The following FAM120A variants were observed in gnomAD, a reference collection of about 807,000 sequenced individuals.
The protein encoded by FAM120A is constitutive coactivator of PPAR-gamma-like protein 1.
In FAM120A, 15 loss-of-function variants were observed where a neutral mutation model predicts 109.7. The observed-to-expected ratio is 0.14, with a 90% CI of 0.09 to 0.21. The LOEUF (loss-of-function observed/expected upper bound fraction) is 0.21. Ranked by LOEUF, FAM120A falls within the 10% of genes least tolerant of loss-of-function variation. The pLI, the probability that FAM120A is intolerant of heterozygous loss-of-function variation, is 1.00. For synonymous variants in FAM120A, 493 were observed against 572.8 expected, an observed-to-expected ratio of 0.86 and a Z score of 1.99; for missense variants, 899 against 1,439.3, an observed-to-expected ratio of 0.62 and a Z score of 6.07.
intron 11 of FAM120A, among the ~76,000 whole-genome samples, chr9:93,549,276 C>A (rs939862163): frequency 6.6e-6 from 1 of 152,178 alleles, no homozygotes; most frequent in African/African-American, 2.4e-5. Context: ...TTACATCCTA[C>A]TTTTGCCACA....
At chr9:93,485,089 C>T (rs753865827) in intron 3 of FAM120A, among the ~76,000 whole-genome samples, 6 of 152,158 alleles carry the variant, frequency 3.9e-5, no homozygotes, top group Non-Finnish European at 5.9e-5. Flanking sequence ...TGAATTAGTG[C>T]CATGTCCTAG....
chr9:93,471,381 C>G lies in FAM120A; in HGVS notation c.715C>G (p.Leu239Val). The change falls in exon 2 of 18, where the codon CTC becomes GTC. Residue 239 changes from leucine to valine, a missense_variant. By Grantham distance (32) the Leu-to-Val change is conservative. Transcript: ENST00000277165. ...AAATCGTTTTCCTATTTTTGCTGCT[C>G]TCTTAGGTAGGTGGAGCAGTGTGAA... is the stretch of plus-strand genomic sequence containing the variant. ...NPNRFPIFAA[L>V]LGNHILPDED... The G allele has an allele frequency of 6.2e-7, 1 of 1,614,154 alleles. No homozygotes were observed. Among genetic ancestry groups the G allele is most frequent in the South Asian group, 1.1e-5 (1 of 91,066 alleles).
At chr9:93,562,855 C>T (rs1345731554) in intron 17 of FAM120A, among the ~76,000 whole-genome samples, 1 of 151,896 alleles carries the variant, frequency 6.6e-6, no homozygotes, top group Non-Finnish European at 1.5e-5. Context: ...AGTAGAGTTG[C>T]AGTTTCACCA....
At position 93,566,026 on chromosome 9, in the gene FAM120A, T is replaced by G. The variant is rs1426066489; in HGVS notation, c.*1486T>G. ...TGAACTGCTGTTGGGTTTGATTGAC[T>G]GTCGATGGATTGTGGTGTGGTGTAT... is the stretch of plus-strand genomic sequence containing the variant. On this transcript the variant is annotated 3_prime_UTR_variant, in exon 18 of 18. Transcript: ENST00000277165. 6.6e-6 allele frequency: 1 copy of G among 152,664 alleles called. No individual in the cohort carries two copies. The highest frequency in any genetic ancestry group is 1.5e-5 in the Non-Finnish European group (1 of 68,038). The allele number at this position is 152,664 out of a possible 1,614,324, so 9.5% of individuals were successfully genotyped here. A position where few individuals can be genotyped will look rare whatever the true frequency, so the allele number is the denominator to read the frequency against.
intron 5 of FAM120A, among the ~76,000 whole-genome samples, chr9:93,505,168 C>T (rs930822162): frequency 6.9e-6 from 1 of 143,966 alleles, no homozygotes; most frequent in Non-Finnish European, 1.5e-5. Flanking sequence ...TCACACCATT[C>T]TCCTGCCTCA....
At chr9:93,522,868 A>G (rs548008272) in intron 7 of FAM120A, among the ~76,000 whole-genome samples, 1 of 152,338 alleles carries the variant, frequency 6.6e-6, no homozygotes, top group East Asian at 1.9e-4. Context: ...GGACTGTGAA[A>G]GATGAACCAC....
At chr9:93,503,246 G>A (rs1486346539) in intron 5 of FAM120A, among the ~76,000 whole-genome samples, 2 of 152,132 alleles carry the variant, frequency 1.3e-5, no homozygotes, top group Non-Finnish European at 2.9e-5. Flanking sequence ...TTTGCCCAAA[G>A]GAGTTGAAAA....
At chr9:93,478,075 C>A (rs187705415) in intron 3 of FAM120A, among the ~76,000 whole-genome samples, 16 of 152,318 alleles carry the variant, frequency 1.1e-4, no homozygotes, top group Admixed American at 2.0e-4. Flanking sequence ...CTTGCTCCAC[C>A]ACTTCAGCTT....
intron 1 of FAM120A, among the ~76,000 whole-genome samples, chr9:93,469,314 C>G (rs1858202165): frequency 6.6e-6 from 1 of 152,174 alleles, no homozygotes; most frequent in African/African-American, 2.4e-5. Flanking sequence ...CAGCTTCCTT[C>G]CCAACATGTG....
At chr9:93,473,577 G>A (rs1858408806) in intron 2 of FAM120A, among the ~76,000 whole-genome samples, 1 of 152,194 alleles carries the variant, frequency 6.6e-6, no homozygotes, top group African/African-American at 2.4e-5. Flanking sequence ...CTCCCAAAGT[G>A]CTGGGATTAC....
chr9:93,453,004 G>A, intron 1 of FAM120A: 1 of 1,247,630 alleles, frequency 8.0e-7, no homozygotes, highest in Non-Finnish European at 1.0e-6. Context: ...GGTGTTTAGA[G>A]AATCTTTCTA....
At chr9:93,550,719 T>C (rs766469720) in intron 12 of FAM120A, 28 bp downstream of exon 12, 1 of 1,563,692 alleles carries the variant, frequency 6.4e-7, no homozygotes, top group South Asian at 1.1e-5. Flanking sequence ...TTGCATTGTC[T>C]TGGACAGTCT....
At chr9:93,467,251 C>CA (rs1858077694) in intron 1 of FAM120A, among the ~76,000 whole-genome samples, 1 of 110,916 alleles carries the variant, frequency 9.0e-6, no homozygotes, top group Admixed American at 8.6e-5. Context: ...CTGTCACCCC[C>CA]CCCCCCCTTT....
intron 5 of FAM120A, among the ~76,000 whole-genome samples, chr9:93,501,854 A>G (rs1859816956): frequency 6.6e-6 from 1 of 152,204 alleles, no homozygotes; most frequent in Non-Finnish European, 1.5e-5. Flanking sequence ...GATAACTCTG[A>G]AGAAACATAA....
intron 1 of FAM120A, among the ~76,000 whole-genome samples, chr9:93,468,040 C>T (rs1346811365): frequency 6.6e-6 from 1 of 152,056 alleles, no homozygotes; most frequent in Admixed American, 6.6e-5. Context: ...CGCCACCACG[C>T]CTGGCTAATT....
chr9:93,555,526 A>T (rs1251779648), intron 12 of FAM120A, among the ~76,000 whole-genome samples: 3 of 152,216 alleles, frequency 2.0e-5, no homozygotes, highest in Non-Finnish European at 4.4e-5. Flanking sequence ...AAAGCCACCA[A>T]AGTCGGAAGA....
chr9:93,471,764 G>A (rs1390208541), intron 2 of FAM120A, among the ~76,000 whole-genome samples: 1 of 152,036 alleles, frequency 6.6e-6, no homozygotes, highest in Non-Finnish European at 1.5e-5. Flanking sequence ...TATGCTATGG[G>A]GTTAGAATGG....
At chr9:93,516,744 C>G (rs1057455559) in intron 7 of FAM120A, among the ~76,000 whole-genome samples, 1 of 152,160 alleles carries the variant, frequency 6.6e-6, no homozygotes, top group Admixed American at 6.5e-5. Flanking sequence ...AAGCAAAACC[C>G]TAGAAAGCTG....
intron 1 of FAM120A, among the ~76,000 whole-genome samples, chr9:93,457,949 C>T (rs922222904): frequency 2.0e-5 from 3 of 152,124 alleles, no homozygotes; most frequent in Admixed American, 1.3e-4. Flanking sequence ...CCACAATCCT[C>T]TTGGCCACTT....
Sources: allele counts gnomAD v4.1 joint callset (sites outside exome capture counted in the v4.1 genomes callset), GRCh38; gene constraint gnomAD v4.1.1; transcripts MANE v1.5; gene names NCBI Gene and HGNC (gene_info 2026-07-23, HGNC 2026-07-21).